FRMPD4: variants seen among roughly 807,000 people sequenced by gnomAD.
FRMPD4 encodes the protein FERM and PDZ domain-containing protein 4.
FRMPD4 carries 22 observed loss-of-function variants against 94.1 expected under a neutral mutation model. The observed-to-expected ratio is 0.23, with a 90% CI of 0.17 to 0.33. The LOEUF is 0.33. Among genes scored for constraint, FRMPD4 ranks in the 10% least tolerant of loss-of-function variants. FRMPD4 has a pLI of 1.00. For missense variants in FRMPD4, 1,111 were observed against 1,339.9 expected (o/e 0.83, Z 2.67); for synonymous variants, 631 against 548.6 (o/e 1.15, Z -2.10).
chrX:11,852,466 AAG>A (rs1164725964), intron 1 of FRMPD4, among the ~76,000 whole-genome samples: 13 of 109,101 alleles, frequency 1.2e-4, no homozygotes, highest in Non-Finnish European at 2.1e-4. Context: ...AAAAAAGAAA[AAG>A]AAAAAAAAGA....
At chrX:12,153,759 G>C (rs376660026) in intron 1 of FRMPD4, among the ~76,000 whole-genome samples, 82 of 112,395 alleles carry the variant, frequency 7.3e-4, no homozygotes, top group African/African-American at 2.6e-3. Flanking sequence ...CTGTGTCCTA[G>C]AGTTGGCAAA....
intron 15 of FRMPD4, 90 bp downstream of exon 15, chrX:12,717,223 T>C: frequency 3.5e-6 from 2 of 566,469 alleles, no homozygotes; most frequent in Non-Finnish European, 5.5e-6. Context: ...TTACGTGGTG[T>C]TCTCCATTTC....
intron 3 of FRMPD4, among the ~76,000 whole-genome samples, chrX:11,962,466 A>G (rs934045424): frequency 8.9e-6 from 1 of 111,803 alleles, no homozygotes; most frequent in Admixed American, 9.5e-5. Context: ...ACACTATCAC[A>G]TTGGGTATTA....
intron 1 of FRMPD4, among the ~76,000 whole-genome samples, chrX:12,158,919 T>C (rs939987358): frequency 4.5e-5 from 5 of 112,197 alleles, no homozygotes; most frequent in Non-Finnish European, 7.5e-5. Flanking sequence ...TTCACTGTTA[T>C]CTAACCCCTA....
intron 9 of FRMPD4, among the ~76,000 whole-genome samples, chrX:12,697,899 T>C (rs2060149341): frequency 8.9e-6 from 1 of 112,228 alleles, no homozygotes; most frequent in Admixed American, 9.4e-5. Flanking sequence ...AACTGTCATA[T>C]ATCCTCCGCT....
intron 1 of FRMPD4, among the ~76,000 whole-genome samples, chrX:12,206,178 T>G (rs987296898): frequency 2.7e-5 from 3 of 112,302 alleles, no homozygotes; most frequent in Non-Finnish European, 3.8e-5. Flanking sequence ...CCTTAAAGAT[T>G]ATTGTGGTGA....
At chrX:12,154,879 T>C (rs1478359681) in intron 1 of FRMPD4, among the ~76,000 whole-genome samples, 1 of 112,643 alleles carries the variant, frequency 8.9e-6, no homozygotes, top group Non-Finnish European at 1.9e-5. Flanking sequence ...ATGGGTGTAA[T>C]GTGGTTGCCA....
At chrX:11,991,939 C>A (rs908936836) in intron 3 of FRMPD4, among the ~76,000 whole-genome samples, 16 of 111,457 alleles carry the variant, frequency 1.4e-4, no homozygotes, top group Non-Finnish European at 2.8e-4. Context: ...GTTTGCTTGC[C>A]CTAATTGCAA....
At chrX:11,988,191 T>C (rs150784996) in intron 3 of FRMPD4, among the ~76,000 whole-genome samples, 72 of 111,763 alleles carry the variant, frequency 6.4e-4, no homozygotes, top group Non-Finnish European at 9.4e-4. Flanking sequence ...CAAATTATAC[T>C]ACCAAGCTAT....
At chrX:12,394,879 G>A (rs2056523316) in intron 1 of FRMPD4, among the ~76,000 whole-genome samples, 2 of 111,616 alleles carry the variant, frequency 1.8e-5, no homozygotes, top group Admixed American at 1.9e-4. Context: ...AGGGGACGGG[G>A]TAGGTAATGT....
chrX:12,203,981 T>C (rs2056660437), intron 1 of FRMPD4, among the ~76,000 whole-genome samples: 1 of 112,626 alleles, frequency 8.9e-6, no homozygotes, highest in Non-Finnish European at 1.9e-5. Context: ...GCAAAGATAT[T>C]TGGTTTTGTT....
At chrX:12,381,033 A>G (rs2056310809) in intron 1 of FRMPD4, among the ~76,000 whole-genome samples, 1 of 111,923 alleles carries the variant, frequency 8.9e-6, no homozygotes, top group Non-Finnish European at 1.9e-5. Context: ...TGCCCTCTAG[A>G]GTCCTCAGCC....
At chrX:12,369,983 A>G (rs1165508272) in intron 1 of FRMPD4, among the ~76,000 whole-genome samples, 1 of 112,125 alleles carries the variant, frequency 8.9e-6, no homozygotes, top group Non-Finnish European at 1.9e-5. Flanking sequence ...CCTCTCCAAT[A>G]CTTAATGGCT....
chrX:12,065,328 T>C (rs1338174031), intron 3 of FRMPD4, among the ~76,000 whole-genome samples: 1 of 112,350 alleles, frequency 8.9e-6, no homozygotes, highest in Admixed American at 9.4e-5. Context: ...TGACTCATGG[T>C]AGAAGAAGGG....
At chrX:11,987,646 T>C (rs1368822432) in intron 3 of FRMPD4, among the ~76,000 whole-genome samples, 2 of 111,656 alleles carry the variant, frequency 1.8e-5, no homozygotes, top group Non-Finnish European at 3.8e-5. Flanking sequence ...TGTTTGCAGA[T>C]AATATGATCT....
intron 3 of FRMPD4, among the ~76,000 whole-genome samples, chrX:11,968,331 A>C (rs1164681398): frequency 3.6e-5 from 4 of 111,581 alleles, no homozygotes; most frequent in African/African-American, 1.3e-4. Flanking sequence ...CAGACAACTA[A>C]GTGTCATACC....
intron 3 of FRMPD4, among the ~76,000 whole-genome samples, chrX:12,124,021 A>G (rs1248958713): frequency 9.0e-6 from 1 of 110,904 alleles, no homozygotes; most frequent in Non-Finnish European, 1.9e-5. Flanking sequence ...ACTCTCCCCT[A>G]TATTCTTTGT....
At chrX:12,657,096 A>AC (rs978542880) in intron 4 of FRMPD4, among the ~76,000 whole-genome samples, 9 of 110,503 alleles carry the variant, frequency 8.1e-5, no homozygotes, top group Non-Finnish European at 1.7e-4. Flanking sequence ...AAAAAAAAAA[A>AC]AAACAAAAAC....
Position 12,162,260 on chromosome X carries a change from TG to T in FRMPD4, c.41+23249del, listed in dbSNP as rs374126780. Among the ~76,000 whole-genome samples the T allele has an allele frequency of 1.6e-3, 183 of 112,520 alleles. 1 individual carries two copies. Among genetic ancestry groups the T allele is most frequent in the African/African-American group, 5.6e-3 (174 of 31,009 alleles). Reference sequence around the variant, plus strand: ...GGAACAGGTTTCTCATATTTAACAATGTTTTCCAGTTGGTAACAATGTACCA... The same window carrying T: ...GGAACAGGTTTCTCATATTTAACAATTTTTCCAGTTGGTAACAATGTACCA... On this transcript the variant is annotated intron_variant, in intron 1 of 16. Coordinates refer to ENST00000675598, the MANE Select transcript of FRMPD4 (RefSeq NM_001368397.1).
Sources: allele counts gnomAD v4.1 joint callset (sites outside exome capture counted in the v4.1 genomes callset), GRCh38; gene constraint gnomAD v4.1.1; transcripts MANE v1.5; gene names NCBI Gene and HGNC (gene_info 2026-07-23, HGNC 2026-07-21).